The following ERH variants were observed in gnomAD, a reference collection of about 807,000 sequenced individuals.
ERH encodes the protein ERH mRNA splicing and mitosis factor.
Under a neutral mutation model 16.8 loss-of-function variants are expected in ERH, and 1 was observed. The ratio of observed to expected loss-of-function variants is 0.06; its 90% confidence interval spans 0.02 to 0.28. ERH has a LOEUF of 0.28. Ranked by LOEUF, ERH falls within the 10% of genes least tolerant of loss-of-function variation. ERH has a pLI of 1.00. For synonymous variants in ERH, 43 were observed against 43.6 expected, an observed-to-expected ratio of 0.99 and a Z score of 0.05; for missense variants, 42 against 127.5, an observed-to-expected ratio of 0.33 and a Z score of 3.23.
intron 3 of ERH, among the ~76,000 whole-genome samples, chr14:69,386,232 G>A (rs1042185035): frequency 1.3e-5 from 2 of 152,248 alleles, no homozygotes; most frequent in African/African-American, 4.8e-5. Context: ...ATTGGCTCCA[G>A]TGGTGATCCA....
intron 3 of ERH, among the ~76,000 whole-genome samples, chr14:69,382,835 CTG>C (rs1438769781): frequency 6.6e-6 from 1 of 150,634 alleles, no homozygotes; most frequent in Non-Finnish European, 1.5e-5. Context: ...TTATGGAAAG[CTG>C]TGTGTCGATG....
At chr14:69,397,705 G>C (rs914966208) in intron 1 of ERH, among the ~76,000 whole-genome samples, 2 of 152,114 alleles carry the variant, frequency 1.3e-5, no homozygotes, top group Admixed American at 6.6e-5. Context: ...GATTGCTTGA[G>C]GTCAGGAGTT....
chr14:69,383,532 A>G (rs1785155904), intron 3 of ERH, among the ~76,000 whole-genome samples: 1 of 152,234 alleles, frequency 6.6e-6, no homozygotes, highest in Admixed American at 6.5e-5. Flanking sequence ...AAAAGGACAT[A>G]ACCAAAGTCA....
chr14:69,395,392 GGTCTCCCTAA>G (rs768575061), intron 1 of ERH, among the ~76,000 whole-genome samples: 57 of 152,186 alleles, frequency 3.7e-4, no homozygotes, highest in Admixed American at 7.9e-4. Context: ...TCTGCTGTAC[GGTCTCCCTAA>G]GTCTCCCAGT....
At position 69,398,280 on chromosome 14, in the gene ERH, T is replaced by C; in HGVS notation, c.-47A>G. 6.2e-7 allele frequency: 1 copy of C among 1,613,610 alleles called. No homozygotes were observed. The highest frequency in any genetic ancestry group is 1.3e-5 in the African/African-American group (1 of 75,010). ...CAGCAGCTGCCGACACCGCCGCCGT[T>C]ACACGAGCTTAACTACAACGCCGCT... On this transcript the variant is annotated 5_prime_UTR_variant, in exon 1 of 4. Coordinates refer to ENST00000557016, the MANE Select transcript of ERH (RefSeq NM_004450.3).
At chr14:69,388,781 G>GA (rs1455254307) in intron 2 of ERH, among the ~76,000 whole-genome samples, 1 of 152,018 alleles carries the variant, frequency 6.6e-6, no homozygotes, top group African/African-American at 2.4e-5. Context: ...TAGTTATCTA[G>GA]AAAAAACATG....
chr14:69,395,384 TG>T (rs1882312336), intron 1 of ERH, among the ~76,000 whole-genome samples: 1 of 152,234 alleles, frequency 6.6e-6, no homozygotes, highest in Non-Finnish European at 1.5e-5. Context: ...TTCACAACTC[TG>T]CTGTACGGTC....
chr14:69,396,445 GA>G (rs2140235309), intron 1 of ERH, among the ~76,000 whole-genome samples: 1 of 152,310 alleles, frequency 6.6e-6, no homozygotes, highest in East Asian at 1.9e-4. Flanking sequence ...CTTTTTAGTA[GA>G]GATGGGGTTT....
chr14:69,393,839 C>T (rs1455646378), intron 2 of ERH, among the ~76,000 whole-genome samples: 3 of 152,066 alleles, frequency 2.0e-5, no homozygotes, highest in African/African-American at 4.8e-5. Context: ...ATGTGCAACA[C>T]AGTGACCCCA....
At chr14:69,384,668 T>C (rs139148236) in intron 3 of ERH, among the ~76,000 whole-genome samples, 14 of 152,232 alleles carry the variant, frequency 9.2e-5, no homozygotes, top group African/African-American at 2.6e-4. Context: ...ATAAGGGAAA[T>C]AGAAAATTAT....
chr14:69,386,874 A>C, intron 3 of ERH, 89 bp downstream of exon 3: 1 of 1,256,732 alleles, frequency 8.0e-7, no homozygotes, highest in Non-Finnish European at 1.1e-6. Flanking sequence ...TATCAGGCAC[A>C]TAATTAGCTC....
At position 69,380,521 on chromosome 14, in the gene ERH, CAG is replaced by C; in HGVS notation, c.*15_*16del. The C allele has an allele frequency of 1.8e-5, 25 of 1,367,634 alleles. No individual in the cohort carries two copies. Among genetic ancestry groups the C allele is most frequent in the African/African-American group, 2.8e-5 (2 of 70,350 alleles). 84.7% of individuals were successfully genotyped at this position (1,367,634 alleles called of 1,614,324 possible). Reference sequence around the variant, plus strand: ...TGTTCCAAGCCCACCCCAACCCCCCCAGTGCTTCCAACACAATTATTTCCCAG... The same window carrying C: ...TGTTCCAAGCCCACCCCAACCCCCCCTGCTTCCAACACAATTATTTCCCAG... On this transcript the variant is annotated 3_prime_UTR_variant, in exon 4 of 4. Transcript: ENST00000557016.
chr14:69,398,184 TG>T (rs1566902763), intron 1 of ERH, 46 bp downstream of exon 1: 1 of 1,613,112 alleles, frequency 6.2e-7, no homozygotes, highest in Admixed American at 1.7e-5. Flanking sequence ...GGGGTCGCTC[TG>T]GAGGCCGGGG....
chr14:69,393,279 G>A (rs1882256424), intron 2 of ERH, among the ~76,000 whole-genome samples: 1 of 152,202 alleles, frequency 6.6e-6, no homozygotes, highest in African/African-American at 2.4e-5. Context: ...ATGCACCACT[G>A]CACTCCAGCC....
intron 1 of ERH, among the ~76,000 whole-genome samples, chr14:69,396,270 A>AT (rs1016390430): frequency 8.6e-5 from 13 of 151,980 alleles, no homozygotes; most frequent in African/African-American, 2.2e-4. Flanking sequence ...GAATAACATA[A>AT]TTTTTTTTTG....
chr14:69,387,506 T>C lies in ERH; in HGVS notation c.92-423A>G, dbSNP rs147084902. Among the ~76,000 whole-genome samples, 477 of 152,266 alleles carry C rather than the reference T, an allele frequency of 3.1e-3. 4 individuals are homozygous for C. The highest frequency in any genetic ancestry group is 0.011 in the African/African-American group (463 of 41,548). On this transcript the variant is annotated intron_variant, in intron 2 of 3. Coordinates refer to ENST00000557016, the MANE Select transcript of ERH (RefSeq NM_004450.3). ...CTGCAGTGAGCCGTGATTGCATCAC[T>C]GCACTCCAGTCTGGGCAGCTGAGAA...
intron 3 of ERH, among the ~76,000 whole-genome samples, chr14:69,382,210 G>C (rs76442470): frequency 0.047 from 7,103 of 152,128 alleles, 215 homozygotes; most frequent in South Asian, 0.11. Flanking sequence ...TGAACAGTAA[G>C]GTCACAATCT....
chr14:69,391,362 T>C (rs908681450), intron 2 of ERH, among the ~76,000 whole-genome samples: 1 of 151,898 alleles, frequency 6.6e-6, no homozygotes, highest in African/African-American at 2.4e-5. Flanking sequence ...TACTGCTAGG[T>C]TGGCCAGGCA....
intron 1 of ERH, among the ~76,000 whole-genome samples, chr14:69,396,063 G>T (rs551252166): frequency 6.6e-6 from 1 of 152,252 alleles, no homozygotes; most frequent in South Asian, 2.1e-4. Flanking sequence ...AGAATTCACT[G>T]GTCTGTTGAA....
Sources: gnomAD v4.1 joint callset for allele counts (sites outside exome capture counted in the v4.1 genomes callset) on GRCh38, gnomAD v4.1.1 for gene constraint, MANE v1.5 for transcripts, NCBI Gene and HGNC (gene_info 2026-07-23, HGNC 2026-07-21) for gene names.